RASGEF1C: variants seen among roughly 807,000 people sequenced by gnomAD.
The protein encoded by RASGEF1C is RasGEF domain family member 1C.
RASGEF1C carries 27 observed loss-of-function variants against 58.1 expected under a neutral mutation model. The observed-to-expected ratio is 0.46, with a 90% confidence interval of 0.34 to 0.64. The LOEUF (loss-of-function observed/expected upper bound fraction) is 0.64, where lower values mean the gene tolerates loss of function less well. Ranked by LOEUF, RASGEF1C falls within the 30% of genes least tolerant of loss-of-function variation. RASGEF1C has a pLI of 0.01. For synonymous variants in RASGEF1C, 243 were observed against 246.3 expected (o/e 0.99, Z 0.13); for missense variants, 502 against 605.1 (o/e 0.83, Z 1.79).
In RASGEF1C at chr5:180,120,955, G is replaced by T. The variant is rs1256881083; in HGVS notation, c.804+105C>A. 4 of 790,474 alleles carry T rather than the reference G, an allele frequency of 5.1e-6. No homozygotes were observed. In the Admixed American group the frequency reaches 5.7e-5, roughly 11 times the overall value. 49.0% of individuals were successfully genotyped at this position (790,474 alleles called of 1,614,324 possible). ...CCAGCCTGGCCTTGGACTTAGAAAT[G>T]AATAAGACTCAAGGTGTCCTTCCGG... On this transcript the variant is annotated intron_variant, in intron 7 of 13. Coordinates refer to ENST00000361132, the MANE Select transcript of RASGEF1C (RefSeq NM_175062.4).
intron 1 of RASGEF1C, among the ~76,000 whole-genome samples, chr5:180,195,826 G>A (rs908069646): frequency 6.7e-6 from 1 of 150,372 alleles, no homozygotes; most frequent in East Asian, 1.9e-4. Flanking sequence ...CCCGCCGTCC[G>A]GTGAGGCAGT....
At chr5:180,141,573 CAG>C (rs1766580182) in intron 1 of RASGEF1C, among the ~76,000 whole-genome samples, 1 of 152,124 alleles carries the variant, frequency 6.6e-6, no homozygotes, top group Admixed American at 6.5e-5. Context: ...GACAGGAGAA[CAG>C]AGTGTCACTT....
At chr5:180,203,643 G>T (rs1756437793) in intron 1 of RASGEF1C, among the ~76,000 whole-genome samples, 1 of 127,714 alleles carries the variant, frequency 7.8e-6, no homozygotes, top group African/African-American at 2.8e-5. Flanking sequence ...GTTGCTTTAA[G>T]CCACTAGGTC....
At chr5:180,201,088 A>G (rs1396535358) in intron 1 of RASGEF1C, among the ~76,000 whole-genome samples, 1 of 152,114 alleles carries the variant, frequency 6.6e-6, no homozygotes, top group African/African-American at 2.4e-5. Context: ...ACAGAGCGAG[A>G]CCTTGTCTCT....
intron 6 of RASGEF1C, among the ~76,000 whole-genome samples, chr5:180,126,693 G>C (rs904192484): frequency 6.6e-6 from 1 of 152,196 alleles, no homozygotes; most frequent in Admixed American, 6.5e-5. Context: ...TTCATAATTT[G>C]TAATCCAGTC....
At chr5:180,199,598 G>C (rs904354390) in intron 1 of RASGEF1C, among the ~76,000 whole-genome samples, 1 of 152,176 alleles carries the variant, frequency 6.6e-6, no homozygotes, top group African/African-American at 2.4e-5. Flanking sequence ...GGAAGGCCCT[G>C]AACTGGTAAC....
At chr5:180,114,408 C>T in intron 11 of RASGEF1C, 38 bp downstream of exon 11, 1 of 1,597,094 alleles carries the variant, frequency 6.3e-7, no homozygotes, top group Non-Finnish European at 8.6e-7. Flanking sequence ...CTTTTCCCGG[C>T]CTGTCTACCT....
chr5:180,135,747 G>A (rs1021960916), intron 4 of RASGEF1C, among the ~76,000 whole-genome samples: 4 of 152,220 alleles, frequency 2.6e-5, no homozygotes, highest in Admixed American at 6.5e-5. Context: ...CTCCCAAGCC[G>A]CTGGGGTTCC....
At chr5:180,194,970 T>C (rs1756239310) in intron 1 of RASGEF1C, among the ~76,000 whole-genome samples, 4 of 152,170 alleles carry the variant, frequency 2.6e-5, no homozygotes, top group Admixed American at 2.6e-4. Flanking sequence ...GGGAAATGGC[T>C]GGTGAGGAAG....
intron 1 of RASGEF1C, among the ~76,000 whole-genome samples, chr5:180,153,867 T>G (rs1766807170): frequency 6.6e-6 from 1 of 152,148 alleles, no homozygotes; most frequent in African/African-American, 2.4e-5. Context: ...CAGGGTGAGG[T>G]GTGCTCTGGA....
In RASGEF1C at chr5:180,138,037, T is replaced by G; in HGVS notation, c.16A>C (p.Ser6Arg). 6.6e-7 allele frequency: 1 copy of G among 1,516,022 alleles called. No individual in the cohort carries two copies. Among genetic ancestry groups the G allele is most frequent in the Non-Finnish European group, 8.8e-7 (1 of 1,138,440 alleles). The allele number at this position is 1,516,022 out of a possible 1,614,324, so 93.9% of individuals were successfully genotyped here. Residue 6 changes from serine to arginine, a missense_variant, in exon 2 of 14, where the codon AGT becomes CGT. By Grantham distance (110) the Ser-to-Arg change is moderately radical (BLOSUM62 -1). Transcript: ENST00000361132. The stretch of plus-strand genomic sequence containing the variant: ...CCTGGGGTGACCATGTCGGAGGCAC[T>G]CAGCGTCTGTGGCATGTCTGCCTGC... MPQTL[S>R]ASDMVTPGSL...
chr5:180,111,692 C>G (rs1017933658), intron 11 of RASGEF1C, 112 bp from the exon 12 acceptor site: 2 of 1,206,572 alleles, frequency 1.7e-6, no homozygotes, highest in Non-Finnish European at 2.4e-6. Flanking sequence ...GGCTTTAGGG[C>G]TCTGAGGAGG....
At chr5:180,115,023 C>CT (rs1382869949) in intron 10 of RASGEF1C, among the ~76,000 whole-genome samples, 24 of 148,926 alleles carry the variant, frequency 1.6e-4, no homozygotes, top group East Asian at 1.4e-3. Context: ...TGGTGGCCTC[C>CT]TTTTTTTTTT....
intron 1 of RASGEF1C, among the ~76,000 whole-genome samples, chr5:180,208,678 G>A (rs1274433865): frequency 6.6e-6 from 1 of 152,110 alleles, no homozygotes; most frequent in Non-Finnish European, 1.5e-5. Context: ...GGGAAACTGA[G>A]GTCCGGTGCG....
chr5:180,173,870 G>A (rs561266020), intron 1 of RASGEF1C, among the ~76,000 whole-genome samples: 9 of 149,194 alleles, frequency 6.0e-5, no homozygotes, highest in South Asian at 2.1e-4. Flanking sequence ...CTGAGATTGT[G>A]CCACTGCACT....
chr5:180,195,743 C>T (rs571643336), intron 1 of RASGEF1C, among the ~76,000 whole-genome samples: 24 of 150,294 alleles, frequency 1.6e-4, no homozygotes, highest in African/African-American at 3.7e-4. Flanking sequence ...CCAGCCTGGG[C>T]GACAGAGCGA....
chr5:180,142,988 C>G (rs1207399664), intron 1 of RASGEF1C, among the ~76,000 whole-genome samples: 1 of 152,162 alleles, frequency 6.6e-6, no homozygotes, highest in South Asian at 2.1e-4. Flanking sequence ...TGAGCTTCTG[C>G]CTCGGTTTCC....
Position 180,168,270 on chromosome 5 carries a change from A to T in RASGEF1C, c.-6-30212T>A, listed in dbSNP as rs139720049. On this transcript the variant is annotated intron_variant, in intron 1 of 13. Transcript: ENST00000361132. The surrounding 1 kb of genome is among the most constrained non-coding windows in gnomAD (Gnocchi z 6.0). Reference sequence around the variant, plus strand: ...ACATGGAGAAACCCCGTCTCTACTTAAAAAAATACAAAATTAGCCGAGCCT... The same window carrying T: ...ACATGGAGAAACCCCGTCTCTACTTTAAAAAATACAAAATTAGCCGAGCCT... Among the ~76,000 whole-genome samples, 1,287 of 152,100 alleles carry T rather than the reference A, an allele frequency of 8.5e-3. 28 individuals carry two copies. The highest frequency in any genetic ancestry group is 0.029 in the African/African-American group (1,216 of 41,506).
intron 7 of RASGEF1C, among the ~76,000 whole-genome samples, chr5:180,120,577 C>T (rs142999231): frequency 7.7e-4 from 118 of 152,298 alleles, no homozygotes; most frequent in South Asian, 7.2e-3. Context: ...CAGGCGGGAC[C>T]GCGACTCAGG....
Sources: allele counts gnomAD v4.1 joint callset (sites outside exome capture counted in the v4.1 genomes callset), GRCh38; gene constraint gnomAD v4.1.1; non-coding constraint Gnocchi (gnomAD v3.1); transcripts MANE v1.5; gene names NCBI Gene and HGNC (gene_info 2026-07-23, HGNC 2026-07-21).